Variants in WDPCP observed in about 807,000 individuals in gnomAD.
The protein encoded by WDPCP is WD repeat containing planar cell polarity effector.
A neutral mutation model predicts 93.1 loss-of-function variants in WDPCP; 71 were observed. The observed-to-expected ratio is 0.76, with a 90% CI of 0.63 to 0.93. The LOEUF (loss-of-function observed/expected upper bound fraction) is 0.93, where lower values mean the gene tolerates loss of function less well. WDPCP is among the 40% of genes least tolerant of loss of function. The probability of loss-of-function intolerance (pLI) is 0.00; values close to 1 mark genes in which losing one functional copy is unlikely to be tolerated. For missense variants in WDPCP, 844 were observed against 887.4 expected (o/e 0.95, Z 0.62); for synonymous variants, 315 against 315.0 (o/e 1.00, Z 0.00).
At position 63,575,489 on chromosome 2, in the gene WDPCP, A is replaced by ACAGTATATACACT. The variant is rs1257278044; in HGVS notation, c.75+12707_75+12708insAGTGTATATACTG. ...TATGCAGTATATACAGTGTATATAT[A>ACAGTATATACACT]GTATATACAGTATATACACTGTATA... On this transcript the variant is annotated intron_variant, in intron 1 of 17. Transcript: ENST00000272321. Among the ~76,000 whole-genome samples the ACAGTATATACACT allele has an allele frequency of 1.4e-3, 24 of 17,304 alleles. 8 individuals carry two copies. The highest frequency in any genetic ancestry group is 2.8e-3 in the Admixed American group (4 of 1,406). 11.4% of individuals were successfully genotyped at this position (17,304 alleles called of 152,430 possible).
chr2:63,216,509 T>C (rs1206475272), intron 14 of WDPCP, among the ~76,000 whole-genome samples: 2 of 152,048 alleles, frequency 1.3e-5, no homozygotes, highest in Non-Finnish European at 2.9e-5. Context: ...AATTGAAGAA[T>C]GAGAACACTT....
At chr2:63,243,944 C>CTAGGATTGACCACA (rs1056277617) in intron 14 of WDPCP, among the ~76,000 whole-genome samples, 6 of 151,962 alleles carry the variant, frequency 3.9e-5, no homozygotes, top group Non-Finnish European at 8.8e-5. Flanking sequence ...ACAACATATT[C>CTAGGATTGACCACA]TAGGATTGAC....
Position 63,366,531 on chromosome 2 carries a change from T to G in WDPCP, c.1748+11855A>C, listed in dbSNP as rs1032626301. 0.03 allele frequency among the ~76,000 whole-genome samples: 256 copies of G among 8,674 alleles called. 2 individuals are homozygous for G. The African/African-American group carries it at 0.33, about 11-fold the overall frequency. 5.7% of individuals were successfully genotyped at this position (8,674 alleles called of 152,430 possible). On this transcript the variant is annotated intron_variant, in intron 12 of 17. Transcript: ENST00000272321. Reference sequence around the variant, plus strand: ...ACTCATTGTGCCCTTATTATCTATCTATCTTCCAGACTTTCGCTTAAATTC... The same window carrying G: ...ACTCATTGTGCCCTTATTATCTATCGATCTTCCAGACTTTCGCTTAAATTC...
At chr2:63,461,653 G>A (rs1011704564) in intron 6 of WDPCP, among the ~76,000 whole-genome samples, 4 of 152,218 alleles carry the variant, frequency 2.6e-5, no homozygotes, top group African/African-American at 7.2e-5. Flanking sequence ...AATGCAGGTA[G>A]ATTGGGACCA....
chr2:63,563,840 A>G (rs868114021), intron 1 of WDPCP, among the ~76,000 whole-genome samples: 9 of 152,330 alleles, frequency 5.9e-5, no homozygotes, highest in African/African-American at 1.9e-4. Flanking sequence ...TGGGCTTGTC[A>G]GCCTCCAGAA....
intron 9 of WDPCP, among the ~76,000 whole-genome samples, chr2:63,425,744 T>C (rs191629340): frequency 1.3e-5 from 2 of 152,310 alleles, no homozygotes; most frequent in East Asian, 3.9e-4. Context: ...ATCAAACCTA[T>C]GACTCACTGG....
At chr2:63,188,730 G>T (rs1306348480) in intron 14 of WDPCP, among the ~76,000 whole-genome samples, 1 of 152,006 alleles carries the variant, frequency 6.6e-6, no homozygotes, top group Non-Finnish European at 1.5e-5. Flanking sequence ...TCTCTTGTAG[G>T]TCTTGATCAT....
chr2:63,619,344 C>G (rs956723505), intron 3 of WDPCP, among the ~76,000 whole-genome samples: 7 of 152,100 alleles, frequency 4.6e-5, no homozygotes, highest in African/African-American at 1.4e-4. Context: ...CCTTCTTTAC[C>G]TTCATATATC....
chr2:63,789,396 A>G (rs1670513208), intron 2 of WDPCP, among the ~76,000 whole-genome samples: 1 of 152,168 alleles, frequency 6.6e-6, no homozygotes, highest in Non-Finnish European at 1.5e-5. Flanking sequence ...CTGGCTCAGA[A>G]CCTGGCAAAT....
intron 14 of WDPCP, chr2:63,233,429 C>A: frequency 4.8e-6 from 1 of 208,472 alleles, no homozygotes; most frequent in Non-Finnish European, 1.0e-5. Flanking sequence ...AAGTCCTCTA[C>A]AAAGTTCTAA....
chr2:63,522,849 C>T (rs1203390867), intron 1 of WDPCP, among the ~76,000 whole-genome samples: 1 of 152,164 alleles, frequency 6.6e-6, no homozygotes. Context: ...GACCCTAGAC[C>T]AGACAGATTC....
At chr2:63,327,771 G>A (rs912494533) in intron 12 of WDPCP, among the ~76,000 whole-genome samples, 1 of 152,086 alleles carries the variant, frequency 6.6e-6, no homozygotes, top group African/African-American at 2.4e-5. Flanking sequence ...TGCCTTCGGG[G>A]CCCTGTATTT....
chr2:63,557,084 A>G (rs1212364726), intron 1 of WDPCP, among the ~76,000 whole-genome samples: 1 of 152,204 alleles, frequency 6.6e-6, no homozygotes, highest in African/African-American at 2.4e-5. Flanking sequence ...ACAAAGACCA[A>G]TGACACTATG....
At chr2:63,177,720 C>T (rs1673925143) in intron 14 of WDPCP, among the ~76,000 whole-genome samples, 1 of 151,982 alleles carries the variant, frequency 6.6e-6, no homozygotes, top group African/African-American at 2.4e-5. Context: ...ATTTCACTTG[C>T]ATAATTGCTT....
intron 14 of WDPCP, among the ~76,000 whole-genome samples, chr2:63,179,412 C>T (rs1271697287): frequency 6.6e-6 from 1 of 151,800 alleles, no homozygotes; most frequent in Non-Finnish European, 1.5e-5. Flanking sequence ...TTAGCACCAT[C>T]CCCTTGGTGC....
At chr2:63,396,543 G>A (rs1693739055) in intron 10 of WDPCP, among the ~76,000 whole-genome samples, 1 of 152,168 alleles carries the variant, frequency 6.6e-6, no homozygotes, top group African/African-American at 2.4e-5. Context: ...CACCAACATG[G>A]AAGGAGTGAG....
At chr2:63,225,873 G>A (rs139708308) in intron 14 of WDPCP, among the ~76,000 whole-genome samples, 152 of 151,902 alleles carry the variant, frequency 1.0e-3, no homozygotes, top group African/African-American at 3.2e-3. Flanking sequence ...GTATTAGAAG[G>A]CAGGAACTTT....
chr2:63,606,816 A>G, intron 3 of WDPCP: 1 of 1,501,652 alleles, frequency 6.7e-7, no homozygotes, highest in Non-Finnish European at 9.0e-7. Context: ...GCTTACTGAA[A>G]GATCAGTTCC....
At chr2:63,605,755 C>T (rs1282476242) in intron 3 of WDPCP, 4 of 616,370 alleles carry the variant, frequency 6.5e-6, no homozygotes, top group South Asian at 2.0e-5. Flanking sequence ...GATATGGAAG[C>T]GTGGAATGAA....
Sources: gnomAD v4.1 joint callset for allele counts (sites outside exome capture counted in the v4.1 genomes callset) on GRCh38, gnomAD v4.1.1 for gene constraint, MANE v1.5 for transcripts, NCBI Gene and HGNC (gene_info 2026-07-23, HGNC 2026-07-21) for gene names.